The following CNBD1 variants were observed in gnomAD, a reference collection of about 807,000 sequenced individuals.
The protein encoded by CNBD1 is cyclic nucleotide binding domain containing 1.
In CNBD1, 71 loss-of-function variants were observed where a neutral mutation model predicts 54.4. The observed-to-expected ratio is 1.30, with a 90% confidence interval of 1.08 to 1.59. The LOEUF (loss-of-function observed/expected upper bound fraction) is 1.59, where lower values mean the gene tolerates loss of function less well. CNBD1 is among the 40% of genes most tolerant of loss of function. The pLI, the probability that CNBD1 is intolerant of heterozygous loss-of-function variation, is 0.00. For synonymous variants in CNBD1, 182 were observed against 170.7 expected (o/e 1.07, Z -0.51); for missense variants, 659 against 518.0 (o/e 1.27, Z -2.64).
intron 4 of CNBD1, among the ~76,000 whole-genome samples, chr8:87,107,776 T>G (rs1350797227): frequency 6.6e-6 from 1 of 152,186 alleles, no homozygotes; most frequent in African/African-American, 2.4e-5. Context: ...ATCTGACCAA[T>G]GGCACTAGTC....
At chr8:87,116,105 C>T (rs1239136735) in intron 4 of CNBD1, among the ~76,000 whole-genome samples, 2 of 150,982 alleles carry the variant, frequency 1.3e-5, no homozygotes, top group Non-Finnish European at 1.5e-5. Context: ...TTTGTTTTTT[C>T]TCTATTAAAC....
At chr8:87,052,832 G>C (rs1410436820) in intron 4 of CNBD1, among the ~76,000 whole-genome samples, 1 of 152,146 alleles carries the variant, frequency 6.6e-6, no homozygotes, top group Non-Finnish European at 1.5e-5. Context: ...ATATATCAGG[G>C]TCATCAGAGA....
intron 5 of CNBD1, among the ~76,000 whole-genome samples, chr8:87,235,607 T>G (rs1563518468): frequency 1.3e-5 from 2 of 152,124 alleles, no homozygotes; most frequent in African/African-American, 4.8e-5. Context: ...TGTGCATAGT[T>G]TGCGGTGCCC....
chr8:87,319,040 A>G (rs1242889087), intron 8 of CNBD1, among the ~76,000 whole-genome samples: 2 of 152,144 alleles, frequency 1.3e-5, no homozygotes, highest in Non-Finnish European at 2.9e-5. Context: ...GTTCATTAAA[A>G]TGAGATCAAC....
chr8:87,210,299 C>A (rs1416027141), intron 5 of CNBD1, among the ~76,000 whole-genome samples: 1 of 152,064 alleles, frequency 6.6e-6, no homozygotes, highest in South Asian at 2.1e-4. Context: ...TGCAGCCTAC[C>A]CATATAACAG....
chr8:86,950,737 G>C (rs186329710), intron 4 of CNBD1, among the ~76,000 whole-genome samples: 5 of 152,236 alleles, frequency 3.3e-5, no homozygotes, highest in African/African-American at 9.6e-5. Context: ...TTCTTTAAAT[G>C]TTTGATATAA....
At chr8:87,299,248 A>C (rs975292001) in intron 8 of CNBD1, among the ~76,000 whole-genome samples, 2 of 152,188 alleles carry the variant, frequency 1.3e-5, no homozygotes, top group Non-Finnish European at 2.9e-5. Flanking sequence ...TCTCAGGATT[A>C]TCCTTCCTTC....
chr8:86,994,096 T>G (rs1372809019), intron 4 of CNBD1, among the ~76,000 whole-genome samples: 3 of 152,204 alleles, frequency 2.0e-5, no homozygotes, highest in Non-Finnish European at 4.4e-5. Context: ...CTCTCAGTAC[T>G]CTGACAGTGG....
At chr8:87,387,048 G>A (rs1299361514), downstream of CNBD1, among the ~76,000 whole-genome samples, 2 of 152,108 alleles carry the variant, frequency 1.3e-5, no homozygotes, top group Non-Finnish European at 2.9e-5. Context: ...TTACAGACAA[G>A]GAAATGCTGA....
intron 5 of CNBD1, among the ~76,000 whole-genome samples, chr8:87,217,406 G>A (rs950173884): frequency 6.6e-6 from 1 of 151,940 alleles, no homozygotes; most frequent in East Asian, 1.9e-4. Flanking sequence ...ACACATTTAG[G>A]ATTAAAATGT....
At chr8:87,162,720 G>A (rs1415875602) in intron 4 of CNBD1, among the ~76,000 whole-genome samples, 1 of 152,084 alleles carries the variant, frequency 6.6e-6, no homozygotes, top group African/African-American at 2.4e-5. Context: ...TCCCAAAATT[G>A]TGTGTCTTGA....
At chr8:87,397,476 A>T (rs970176882) in intron 2 of CNBD1, among the ~76,000 whole-genome samples, 2 of 151,868 alleles carry the variant, frequency 1.3e-5, no homozygotes, top group Non-Finnish European at 2.9e-5. Context: ...ATGAAATATA[A>T]CTTTGCCACA....
intron 8 of CNBD1, among the ~76,000 whole-genome samples, chr8:87,306,447 C>T (rs940546921): frequency 6.6e-6 from 1 of 152,112 alleles, no homozygotes; most frequent in African/African-American, 2.4e-5. Context: ...TATTTGCACA[C>T]GCATGTTTGT....
chr8:87,427,161 G>C (rs1465950772), intron 2 of CNBD1, among the ~76,000 whole-genome samples: 1 of 151,932 alleles, frequency 6.6e-6, no homozygotes, highest in African/African-American at 2.4e-5. Context: ...TGTGCTTTCA[G>C]ACTCAATTCC....
intron 4 of CNBD1, among the ~76,000 whole-genome samples, chr8:87,020,748 A>T (rs1275684639): frequency 1.3e-5 from 2 of 152,220 alleles, no homozygotes; most frequent in African/African-American, 2.4e-5. Flanking sequence ...TTGTGGAAAG[A>T]ATCCACATTC....
chr8:87,380,085 A>C (rs1483498570), intron 10 of CNBD1, among the ~76,000 whole-genome samples: 1 of 151,956 alleles, frequency 6.6e-6, no homozygotes, highest in Non-Finnish European at 1.5e-5. Flanking sequence ...AAAGGAACCA[A>C]ATATCTGTGT....
chr8:87,215,088 C>T (rs956966819), intron 5 of CNBD1, among the ~76,000 whole-genome samples: 3 of 152,062 alleles, frequency 2.0e-5, no homozygotes, highest in African/African-American at 7.2e-5. Flanking sequence ...AAATTTACAT[C>T]AATGAGTGAA....
chr8:86,971,767 A>G (rs1808224006), intron 4 of CNBD1, among the ~76,000 whole-genome samples: 1 of 152,094 alleles, frequency 6.6e-6, no homozygotes, highest in Non-Finnish European at 1.5e-5. Flanking sequence ...TAGGATATGT[A>G]AAAGCTATTT....
At chr8:87,026,436 C>CTTTAA (rs148671996) in intron 4 of CNBD1, among the ~76,000 whole-genome samples, 4,571 of 148,424 alleles carry the variant, frequency 0.031, 229 homozygotes, top group African/African-American at 0.1. Context: ...TTAAAAGTTA[C>CTTTAA]TTTGAGGGAA....
Sources: gnomAD v4.1 joint callset for allele counts (sites outside exome capture counted in the v4.1 genomes callset) on GRCh38, gnomAD v4.1.1 for gene constraint, MANE v1.5 for transcripts, NCBI Gene and HGNC (gene_info 2026-07-23, HGNC 2026-07-21) for gene names.